Variants in MAP2 observed in about 807,000 individuals in gnomAD.
MAP2 encodes microtubule-associated protein 2.
In MAP2, 14 loss-of-function variants were observed where a neutral mutation model predicts 137.6. The observed-to-expected ratio is 0.10, with a 90% CI of 0.07 to 0.16. The LOEUF is 0.16. Ranked by LOEUF, MAP2 falls within the 10% of genes least tolerant of loss-of-function variation. MAP2 has a pLI of 1.00. For missense variants in MAP2, 2,088 were observed against 2,191.5 expected (o/e 0.95, Z 0.94); for synonymous variants, 786 against 782.3 (o/e 1.00, Z -0.08).
At chr2:209,593,351 T>A (rs1471042416) in intron 3 of MAP2, among the ~76,000 whole-genome samples, 1 of 151,498 alleles carries the variant, frequency 6.6e-6, no homozygotes, top group Non-Finnish European at 1.5e-5. Context: ...TTGTATTTTT[T>A]AATTAAAAAA....
At position 209,447,469 on chromosome 2, in the gene MAP2, T is replaced by C. The variant is rs184159949; in HGVS notation, c.-222+23193T>C. The stretch of plus-strand genomic sequence containing the variant: ...AATATGTTATATAACCCCAGGCTAC[T>C]GAAATCTCCTTTGCTAGCATCTTGG... On this transcript the variant is annotated intron_variant, in intron 1 of 15. Coordinates refer to ENST00000682079, the MANE Select transcript of MAP2 (RefSeq NM_001375505.1). 4.3e-4 allele frequency among the ~76,000 whole-genome samples: 66 copies of C among 152,206 alleles called. 1 individual carries two copies. Among genetic ancestry groups the C allele is most frequent in the African/African-American group, 1.5e-3 (63 of 41,574 alleles).
At chr2:209,550,924 T>C (rs2069045616) in intron 2 of MAP2, among the ~76,000 whole-genome samples, 1 of 152,144 alleles carries the variant, frequency 6.6e-6, no homozygotes, top group Non-Finnish European at 1.5e-5. Flanking sequence ...AATTTTAATA[T>C]AGGTAGGTTC....
chr2:209,575,393 T>C (rs532750045), intron 2 of MAP2, among the ~76,000 whole-genome samples: 65 of 151,116 alleles, frequency 4.3e-4, no homozygotes, highest in Middle Eastern at 3.4e-3. Flanking sequence ...TGATGGCGGG[T>C]GCCTGTAGTC....
At chr2:209,441,491 A>G (rs535974763) in intron 1 of MAP2, among the ~76,000 whole-genome samples, 1 of 151,694 alleles carries the variant, frequency 6.6e-6, no homozygotes, top group Non-Finnish European at 1.5e-5. Context: ...AAAAGAAGGG[A>G]AAAAGGAGGT....
At position 209,694,220 on chromosome 2, in the gene MAP2, A is replaced by C. The variant is rs2059640408; in HGVS notation, c.2050A>C (p.Ser684Arg). 6.2e-7 allele frequency: 1 copy of C among 1,614,024 alleles called. No homozygotes were observed. The highest frequency in any genetic ancestry group is 8.5e-7 in the Non-Finnish European group (1 of 1,180,004). ...HSKNKDDLTL[S>R]RSLGLGGRSA... ...TAAGAATAAGGATGATTTGACCCTTAGCAGGAGTTTAGGACTTGGTGGTAG... is the reference window on the plus strand; with the variant it reads ...TAAGAATAAGGATGATTTGACCCTTCGCAGGAGTTTAGGACTTGGTGGTAG... Residue 684 changes from serine (S) to arginine (R), a missense_variant, in exon 8 of 16, where the codon AGC becomes CGC. Ser to Arg is a moderately radical substitution (Grantham distance 110). Around this residue, in one of 6 missense-constraint regions of MAP2, gnomAD observed 18 missense variants for 41.6 expected, o/e 0.43. Transcript: ENST00000682079.
rs986195862 is a variant in MAP2 at position 209,730,547 on chromosome 2, A to G, written c.*150A>G. On this transcript the variant is annotated 3_prime_UTR_variant, in exon 16 of 16. Coordinates refer to ENST00000682079, the MANE Select transcript of MAP2 (RefSeq NM_001375505.1). ...TAGTAATTGTTACAATTTTCTATTT[A>G]AAAAATGAATAGTACATGCAGAAAT... is the stretch of plus-strand genomic sequence containing the variant. 6 of 640,732 alleles carry G rather than the reference A, an allele frequency of 9.4e-6. No homozygotes were observed. Among genetic ancestry groups the G allele is most frequent in the African/African-American group, 9.2e-5 (5 of 54,596 alleles). The allele number at this position is 640,732 out of a possible 1,614,324, so 39.7% of individuals were successfully genotyped here. A position where few individuals can be genotyped will look rare whatever the true frequency, so the allele number is the denominator to read the frequency against.
chr2:209,663,165 C>G lies in MAP2; in HGVS notation c.262+9733C>G, dbSNP rs770870626. Among the ~76,000 whole-genome samples the G allele has an allele frequency of 1.8e-4, 27 of 152,252 alleles. 1 individual carries two copies. Among genetic ancestry groups the G allele is most frequent in the Middle Eastern group, 3.4e-3 (1 of 294 alleles). On this transcript the variant is annotated intron_variant, in intron 5 of 15. Transcript: ENST00000682079. Reference sequence around the variant, plus strand: ...CCTCTAAGCTATTGAGATAAACTGACTCTTTCTACTTCAGTGTGTCAAGCC... The same window carrying G: ...CCTCTAAGCTATTGAGATAAACTGAGTCTTTCTACTTCAGTGTGTCAAGCC...
intron 3 of MAP2, among the ~76,000 whole-genome samples, chr2:209,604,204 T>C (rs569028133): frequency 1.3e-5 from 2 of 152,182 alleles, no homozygotes; most frequent in African/African-American, 2.4e-5. Flanking sequence ...TGCATTTATT[T>C]AATCACAACT....
intron 4 of MAP2, among the ~76,000 whole-genome samples, chr2:209,629,035 T>G (rs2092707788): frequency 6.6e-6 from 1 of 152,238 alleles, no homozygotes; most frequent in African/African-American, 2.4e-5. Flanking sequence ...CTCATGATTT[T>G]ATAGCATTAT....
intron 12 of MAP2, among the ~76,000 whole-genome samples, chr2:209,707,813 T>TA (rs969790601): frequency 1.3e-5 from 2 of 152,174 alleles, no homozygotes; most frequent in Non-Finnish European, 2.9e-5. Context: ...AACCTTCTTT[T>TA]ATAAAGCTTA....
At chr2:209,688,466 A>C (rs1348708897) in intron 7 of MAP2, among the ~76,000 whole-genome samples, 1 of 152,226 alleles carries the variant, frequency 6.6e-6, no homozygotes, top group African/African-American at 2.4e-5. Flanking sequence ...AGAATGAAGA[A>C]TCTGTTTAGA....
At position 209,725,780 on chromosome 2, in the gene MAP2, C is replaced by A. The variant is rs567120316; in HGVS notation, c.5145C>A (p.Arg1715=). The change falls in exon 14 of 16, where the codon CGC becomes CGA. Residue 1715 remains arginine (R), a synonymous_variant. Coordinates refer to ENST00000682079, the MANE Select transcript of MAP2 (RefSeq NM_001375505.1). ...TSKCGSLKNI[R]HRPGGGRVKI... ...AATGTGGCTCTCTGAAGAACATCCGCCACAGGCCAGGTAAATAAATAATTT... is the reference window on the plus strand; with the variant it reads ...AATGTGGCTCTCTGAAGAACATCCGACACAGGCCAGGTAAATAAATAATTT... 45 of 1,592,804 alleles carry A rather than the reference C, an allele frequency of 2.8e-5. No individual in the cohort carries two copies. The highest frequency in any genetic ancestry group is 3.8e-5 in the Non-Finnish European group (45 of 1,169,294).
At chr2:209,719,208 A>G (rs536542683) in intron 13 of MAP2, among the ~76,000 whole-genome samples, 1 of 152,180 alleles carries the variant, frequency 6.6e-6, no homozygotes, top group South Asian at 2.1e-4. Context: ...TTCTGATACA[A>G]CTCAGATGGA....
intron 2 of MAP2, among the ~76,000 whole-genome samples, chr2:209,537,514 T>C (rs1322614378): frequency 6.6e-6 from 1 of 152,220 alleles, no homozygotes; most frequent in African/African-American, 2.4e-5. Flanking sequence ...TGTATGATTT[T>C]CTGGATAATG....
intron 2 of MAP2, among the ~76,000 whole-genome samples, chr2:209,576,970 A>G (rs949475778): frequency 6.6e-6 from 1 of 152,184 alleles, no homozygotes; most frequent in Non-Finnish European, 1.5e-5. Flanking sequence ...ACCTCCAGAG[A>G]GTATTAAATG....
chr2:209,589,534 C>T (rs937886038), intron 3 of MAP2, among the ~76,000 whole-genome samples: 1 of 152,130 alleles, frequency 6.6e-6, no homozygotes, highest in East Asian at 1.9e-4. Flanking sequence ...GATTGCCCTA[C>T]CTTAAAAGAC....
At chr2:209,465,466 A>G (rs2149645634) in intron 1 of MAP2, among the ~76,000 whole-genome samples, 1 of 152,282 alleles carries the variant, frequency 6.6e-6, no homozygotes, top group Non-Finnish European at 1.5e-5. Context: ...GACACACAAA[A>G]TATGGTATTG....
rs1259701712 is a variant in MAP2 at position 209,548,961 on chromosome 2, G to A, written c.-171-31075G>A. Among the ~76,000 whole-genome samples the A allele has an allele frequency of 2.0e-5, 3 of 152,142 alleles. No homozygotes were observed. The South Asian group carries it at 6.2e-4, about 32-fold the overall frequency. ...ACCCAGTCTCAGACAGTTCTTTATA[G>A]CAGTGTAAGAATGAACTAGTAAAGT... On this transcript the variant is annotated intron_variant, in intron 2 of 15. Transcript: ENST00000682079.
chr2:209,628,208 A>G (rs1581233105), intron 4 of MAP2, among the ~76,000 whole-genome samples: 1 of 152,172 alleles, frequency 6.6e-6, no homozygotes, highest in East Asian at 1.9e-4. Context: ...TCTACTAAAA[A>G]TAAAAAATTA....
Sources: gnomAD v4.1 joint callset for allele counts (sites outside exome capture counted in the v4.1 genomes callset) on GRCh38, gnomAD v4.1.1 for gene constraint, gnomAD v4.1.1 regional missense constraint, MANE v1.5 for transcripts, NCBI Gene and HGNC (gene_info 2026-07-23, HGNC 2026-07-21) for gene names.